STXBP4: variants seen among roughly 807,000 people sequenced by gnomAD.
STXBP4 encodes syntaxin-binding protein 4.
Under a neutral mutation model 76.1 loss-of-function variants are expected in STXBP4, and 55 were observed. The ratio of observed to expected loss-of-function variants is 0.72; its 90% CI spans 0.58 to 0.91. STXBP4 has a LOEUF of 0.91. STXBP4 is among the 40% of genes least tolerant of loss of function. The pLI is 0.00. For synonymous variants in STXBP4, 201 were observed against 220.2 expected (o/e 0.91, Z 0.77); for missense variants, 618 against 636.9 (o/e 0.97, Z 0.32).
At position 55,076,033 on chromosome 17, in the gene STXBP4, G is replaced by T. The variant is rs73323274; in HGVS notation, c.1189-2045G>T. 5.8e-3 allele frequency among the ~76,000 whole-genome samples: 889 copies of T among 152,066 alleles called. 13 individuals carry two copies. Among genetic ancestry groups the T allele is most frequent in the African/African-American group, 0.021 (856 of 41,504 alleles). On this transcript the variant is annotated intron_variant, in intron 13 of 17. Coordinates refer to ENST00000376352, the MANE Select transcript of STXBP4 (RefSeq NM_178509.6). ...TTGACCCTTTTTCAGTGGATTAGTTGTCTTTTTCATGTAGATGTATAGTGA... is the reference window on the plus strand; with the variant it reads ...TTGACCCTTTTTCAGTGGATTAGTTTTCTTTTTCATGTAGATGTATAGTGA...
At chr17:55,084,358 T>C (rs2079296128) in intron 16 of STXBP4, among the ~76,000 whole-genome samples, 1 of 152,232 alleles carries the variant, frequency 6.6e-6, no homozygotes, top group African/African-American at 2.4e-5. Flanking sequence ...TTTGTTTGAA[T>C]TCATTGTAGA....
At chr17:55,108,291 A>G (rs771017280) in intron 16 of STXBP4, among the ~76,000 whole-genome samples, 34 of 152,288 alleles carry the variant, frequency 2.2e-4, no homozygotes, top group Admixed American at 8.5e-4. Flanking sequence ...TCAACTTCAG[A>G]CTGCTGGGCT....
the STXBP4 span, among the ~76,000 whole-genome samples, chr17:55,198,257 C>T: frequency 6.6e-6 from 1 of 152,324 alleles, no homozygotes; most frequent in South Asian, 2.1e-4. Context: ...AAATGGGGGA[C>T]AGGTTTGCAA....
chr17:55,008,749 T>C (rs1400003359), intron 8 of STXBP4, among the ~76,000 whole-genome samples: 8 of 152,142 alleles, frequency 5.3e-5, no homozygotes, highest in African/African-American at 1.2e-4. Context: ...CCTCTAGGTA[T>C]AGGGAGGTCC....
At chr17:55,114,420 A>G (rs1242780478) in intron 16 of STXBP4, among the ~76,000 whole-genome samples, 2 of 152,058 alleles carry the variant, frequency 1.3e-5, no homozygotes, top group Non-Finnish European at 2.9e-5. Context: ...GATTGGCTGT[A>G]TCACAGTTAT....
At chr17:55,174,257 A>G (rs1418727270), downstream of STXBP4, among the ~76,000 whole-genome samples, 2 of 152,238 alleles carry the variant, frequency 1.3e-5, no homozygotes, top group African/African-American at 4.8e-5. Context: ...CTTTTCAAGA[A>G]ACTTCCAAGC....
intron 17 of STXBP4, among the ~76,000 whole-genome samples, chr17:55,145,484 C>A (rs1275720080): frequency 6.6e-6 from 1 of 152,172 alleles, no homozygotes; most frequent in Non-Finnish European, 1.5e-5. Flanking sequence ...CTGATGGAAG[C>A]CAAGCCTCTG....
At chr17:55,029,412 T>G (rs1046201709) in intron 8 of STXBP4, among the ~76,000 whole-genome samples, 4 of 151,992 alleles carry the variant, frequency 2.6e-5, no homozygotes, top group Non-Finnish European at 5.9e-5. Flanking sequence ...ATATATAGTT[T>G]TATTTATTGA....
At chr17:55,041,299 C>T (rs754258239) in intron 10 of STXBP4, among the ~76,000 whole-genome samples, 4 of 146,788 alleles carry the variant, frequency 2.7e-5, no homozygotes, top group African/African-American at 1.0e-4. Context: ...GGTGCAATCT[C>T]GGCTCACTGC....
At chr17:55,092,151 C>T (rs2079423015) in intron 16 of STXBP4, among the ~76,000 whole-genome samples, 1 of 152,080 alleles carries the variant, frequency 6.6e-6, no homozygotes, top group South Asian at 2.1e-4. Flanking sequence ...ACTCTGGGGA[C>T]TTAGTAGGAA....
intron 12 of STXBP4, 32 bp downstream of exon 12, chr17:55,047,186 G>T (rs751916897): frequency 5.7e-6 from 1 of 175,962 alleles, no homozygotes; most frequent in Non-Finnish European, 8.4e-6. Flanking sequence ...ATATGTGCTC[G>T]TGTGTGTGTG....
intron 16 of STXBP4, among the ~76,000 whole-genome samples, chr17:55,130,482 G>A (rs1407398939): frequency 6.6e-6 from 1 of 152,092 alleles, no homozygotes; most frequent in Non-Finnish European, 1.5e-5. Flanking sequence ...ATCAAATCAG[G>A]CCAATTAACA....
At chr17:55,062,597 C>T (rs1014838553) in intron 12 of STXBP4, among the ~76,000 whole-genome samples, 4 of 152,014 alleles carry the variant, frequency 2.6e-5, no homozygotes, top group South Asian at 2.1e-4. Context: ...GATTTATAAT[C>T]CTTTAGGTAT....
At position 55,082,663 on chromosome 17, in the gene STXBP4, C is replaced by T. The variant is rs114796923; in HGVS notation, c.1489+1480C>T. On this transcript the variant is annotated intron_variant, in intron 16 of 17. Transcript: ENST00000376352. Reference sequence around the variant, plus strand: ...CAAACACTGTGACAATAGATAATGCCTCACAAATTTCCAAAAATGCCCCCT... The same window carrying T: ...CAAACACTGTGACAATAGATAATGCTTCACAAATTTCCAAAAATGCCCCCT... 5.7e-3 allele frequency among the ~76,000 whole-genome samples: 873 copies of T among 152,002 alleles called. 5 individuals carry two copies. The highest frequency in any genetic ancestry group is 0.02 in the African/African-American group (826 of 41,462).
intron 17 of STXBP4, among the ~76,000 whole-genome samples, chr17:55,153,393 C>G (rs747910452): frequency 2.0e-5 from 3 of 152,182 alleles, no homozygotes; most frequent in Admixed American, 6.5e-5. Flanking sequence ...CAAAATACTT[C>G]AAGACATTAG....
intron 6 of STXBP4, chr17:55,000,304 T>C (rs1192372315): frequency 1.0e-6 from 1 of 974,592 alleles, no homozygotes; most frequent in African/African-American, 1.8e-5. Context: ...TTCACCCAAG[T>C]AGAATCACAC....
chr17:55,189,147 G>C, the STXBP4 span, among the ~76,000 whole-genome samples: 2 of 127,250 alleles, frequency 1.6e-5, no homozygotes, highest in Non-Finnish European at 3.3e-5. Flanking sequence ...TGATGCAAGG[G>C]GGACATAGAA....
chr17:55,126,044 C>T (rs2079908139), intron 16 of STXBP4, among the ~76,000 whole-genome samples: 1 of 152,162 alleles, frequency 6.6e-6, no homozygotes, highest in South Asian at 2.1e-4. Context: ...GAGGTTTTAG[C>T]TGCTGCCTAA....
At position 55,113,216 on chromosome 17, in the gene STXBP4, ACC is replaced by A. The variant is rs2079741921; in HGVS notation, c.1490-28093_1490-28092del. Among the ~76,000 whole-genome samples, 12 of 97,300 alleles carry A rather than the reference ACC, an allele frequency of 1.2e-4. 1 individual carries two copies. The East Asian group carries it at 4.0e-3, about 32-fold the overall frequency. 63.8% of individuals were successfully genotyped at this position (97,300 alleles called of 152,430 possible). A position where few individuals can be genotyped will look rare whatever the true frequency, so the allele number is the denominator to read the frequency against. ...AGGAGAGTAGATTTTAGGTGCTCTT[ACC>A]ACACACACACACACACACACACACA... is the stretch of plus-strand genomic sequence containing the variant. On this transcript the variant is annotated intron_variant, in intron 16 of 17. Coordinates refer to ENST00000376352, the MANE Select transcript of STXBP4 (RefSeq NM_178509.6).
Sources: allele counts gnomAD v4.1 joint callset (sites outside exome capture counted in the v4.1 genomes callset), GRCh38; gene constraint gnomAD v4.1.1; transcripts MANE v1.5; gene names NCBI Gene and HGNC (gene_info 2026-07-23, HGNC 2026-07-21).